Variants in GSK3B observed in about 807,000 individuals in gnomAD.
The protein encoded by GSK3B is glycogen synthase kinase 3 beta.
A neutral mutation model predicts 56.4 loss-of-function variants in GSK3B; 15 were observed. The ratio of observed to expected loss-of-function variants is 0.27; its 90% CI spans 0.18 to 0.41. The LOEUF (loss-of-function observed/expected upper bound fraction) is 0.41. GSK3B is among the 10% of genes least tolerant of loss of function. GSK3B has a pLI of 1.00. For missense variants in GSK3B, 300 were observed against 513.4 expected, an observed-to-expected ratio of 0.58 and a Z score of 4.02; for synonymous variants, 181 against 188.9, an observed-to-expected ratio of 0.96 and a Z score of 0.34.
chr3:119,906,255 C>T (rs2056681500), intron 6 of GSK3B, among the ~76,000 whole-genome samples: 1 of 152,080 alleles, frequency 6.6e-6, no homozygotes, highest in South Asian at 2.1e-4. Flanking sequence ...AAGGTTCAAT[C>T]TCTCCCAGAC....
chr3:120,015,178 G>A (rs1164738838), intron 1 of GSK3B, among the ~76,000 whole-genome samples: 2 of 152,118 alleles, frequency 1.3e-5, no homozygotes, highest in Admixed American at 6.5e-5. Flanking sequence ...CCACTTAGTG[G>A]GTGCTCAATA....
intron 4 of GSK3B, among the ~76,000 whole-genome samples, chr3:119,922,014 G>A (rs1334554504): frequency 6.6e-6 from 1 of 152,014 alleles, no homozygotes; most frequent in Non-Finnish European, 1.5e-5. Flanking sequence ...GCGTGTGCCT[G>A]TAATCCCAGC....
At chr3:120,014,804 T>C (rs778716601) in intron 1 of GSK3B, among the ~76,000 whole-genome samples, 10 of 152,118 alleles carry the variant, frequency 6.6e-5, no homozygotes, top group Non-Finnish European at 1.5e-4. Context: ...AGATGTCACA[T>C]AGGCTGGCTT....
intron 2 of GSK3B, among the ~76,000 whole-genome samples, chr3:120,001,305 G>A (rs1025423811): frequency 9.2e-5 from 14 of 152,068 alleles, no homozygotes; most frequent in African/African-American, 3.4e-4. Flanking sequence ...GCTGAGACAG[G>A]CGACTTGCCT....
chr3:119,926,194 T>C (rs2056887281), intron 3 of GSK3B, among the ~76,000 whole-genome samples: 1 of 152,108 alleles, frequency 6.6e-6, no homozygotes, highest in Admixed American at 6.6e-5. Context: ...TGATTATATA[T>C]AAATACATAC....
chr3:119,904,031 A>G (rs1031454271), intron 7 of GSK3B, among the ~76,000 whole-genome samples: 1 of 152,152 alleles, frequency 6.6e-6, no homozygotes. Context: ...GAGAAAGGTT[A>G]TATTTCCCCA....
At chr3:120,003,772 G>A (rs183026321) in intron 1 of GSK3B, among the ~76,000 whole-genome samples, 3 of 152,334 alleles carry the variant, frequency 2.0e-5, no homozygotes, top group Admixed American at 2.0e-4. Context: ...GGCATTCATG[G>A]TCGCTTCCAA....
intron 7 of GSK3B, among the ~76,000 whole-genome samples, chr3:119,891,404 T>C (rs1051838570): frequency 6.6e-6 from 1 of 152,132 alleles, no homozygotes; most frequent in Non-Finnish European, 1.5e-5. Context: ...TATTTCAACC[T>C]CTGAGTATAT....
At chr3:119,828,049 T>C (rs898935612) in intron 10 of GSK3B, among the ~76,000 whole-genome samples, 20 of 152,274 alleles carry the variant, frequency 1.3e-4, no homozygotes, top group African/African-American at 3.9e-4. Flanking sequence ...ACACATTCCA[T>C]GTCTATATCA....
At chr3:120,077,520 T>C (rs537533132) in intron 1 of GSK3B, among the ~76,000 whole-genome samples, 2 of 152,170 alleles carry the variant, frequency 1.3e-5, no homozygotes, top group Non-Finnish European at 2.9e-5. Flanking sequence ...GGTCAAAGTA[T>C]AGGAAGTAGC....
At chr3:119,913,869 TAATA>T (rs976236522) in intron 5 of GSK3B, among the ~76,000 whole-genome samples, 5 of 152,234 alleles carry the variant, frequency 3.3e-5, no homozygotes, top group African/African-American at 9.6e-5. Context: ...TTTCATAAAT[TAATA>T]AATACTAATC....
chr3:119,964,935 C>G (rs959481909), intron 2 of GSK3B, among the ~76,000 whole-genome samples: 2 of 151,794 alleles, frequency 1.3e-5, no homozygotes, highest in East Asian at 3.9e-4. Context: ...CCAATTATAT[C>G]TCAATAAAGC....
At chr3:119,829,706 T>C (rs1559799154) in intron 10 of GSK3B, among the ~76,000 whole-genome samples, 1 of 152,214 alleles carries the variant, frequency 6.6e-6, no homozygotes, top group Non-Finnish European at 1.5e-5. Flanking sequence ...CTTGGATAAA[T>C]TCAACGACTG....
In GSK3B at chr3:120,094,132, A is replaced by G. The variant is rs201228928; in HGVS notation, c.-698T>C. ...CAGCGGCCATGGCGGTGGCGGAGGC[A>G]GCTCCCTTCAGACCCCAGGCAGCGG... On this transcript the variant is annotated 5_prime_UTR_variant, in exon 1 of 11. Coordinates refer to ENST00000264235, the MANE Select transcript of GSK3B (RefSeq NM_001146156.2). The G allele has an allele frequency of 2.6e-5, 6 of 230,036 alleles. No homozygotes were observed. Among genetic ancestry groups the G allele is most frequent in the Non-Finnish European group, 5.2e-5 (6 of 115,666 alleles). The allele number at this position is 230,036 out of a possible 1,614,324, so 14.2% of individuals were successfully genotyped here.
chr3:119,827,040 C>T (rs2055521857), intron 10 of GSK3B, among the ~76,000 whole-genome samples, 185 bp from the exon 11 acceptor site: 1 of 152,210 alleles, frequency 6.6e-6, no homozygotes, highest in African/African-American at 2.4e-5. Flanking sequence ...TAAGTTCATG[C>T]CTCAGCATGG....
At chr3:120,071,316 G>C (rs1414237437) in intron 1 of GSK3B, among the ~76,000 whole-genome samples, 1 of 152,112 alleles carries the variant, frequency 6.6e-6, no homozygotes, top group Non-Finnish European at 1.5e-5. Flanking sequence ...GTTGAGCTAG[G>C]AAATAAGTAC....
chr3:120,014,253 T>C (rs767876240), intron 1 of GSK3B, among the ~76,000 whole-genome samples: 12 of 151,962 alleles, frequency 7.9e-5, no homozygotes, highest in Non-Finnish European at 1.6e-4. Flanking sequence ...GGCACCATAG[T>C]GAAACTTTGT....
At chr3:119,904,605 G>C (rs2056663577) in intron 7 of GSK3B, among the ~76,000 whole-genome samples, 1 of 152,096 alleles carries the variant, frequency 6.6e-6, no homozygotes. Context: ...GATTTGAAAA[G>C]AACTTGATCA....
At chr3:120,028,773 G>C in intron 1 of GSK3B, 1 of 472,290 alleles carries the variant, frequency 2.1e-6, no homozygotes, top group African/African-American at 2.0e-5. Context: ...GAGAGGTTGG[G>C]GCAGCGACCA....
Sources: gnomAD v4.1 joint callset for allele counts (sites outside exome capture counted in the v4.1 genomes callset) on GRCh38, gnomAD v4.1.1 for gene constraint, MANE v1.5 for transcripts, NCBI Gene and HGNC (gene_info 2026-07-23, HGNC 2026-07-21) for gene names.